Variants in RASGRP3 observed in about 807,000 individuals in gnomAD.
RASGRP3 encodes RAS guanyl releasing protein 3.
RASGRP3 carries 54 observed loss-of-function variants against 82.7 expected under a neutral mutation model. The ratio of observed to expected loss-of-function variants is 0.65; its 90% CI spans 0.52 to 0.82. The LOEUF (loss-of-function observed/expected upper bound fraction) is 0.82. RASGRP3 is among the 40% of genes least tolerant of loss of function. The probability of loss-of-function intolerance (pLI) is 0.00; values close to 1 mark genes in which losing one functional copy is unlikely to be tolerated. For synonymous variants in RASGRP3, 309 were observed against 300.5 expected, an observed-to-expected ratio of 1.03 and a Z score of -0.29; for missense variants, 861 against 828.9, an observed-to-expected ratio of 1.04 and a Z score of -0.48.
intron 10 of RASGRP3, among the ~76,000 whole-genome samples, chr2:33,529,872 G>C (rs1264570960): frequency 1.3e-5 from 2 of 152,136 alleles, no homozygotes; most frequent in African/African-American, 4.8e-5. Flanking sequence ...GAGTCAACTT[G>C]ATTCTGTAGT....
In RASGRP3 at chr2:33,558,989, C is replaced by A. The variant is rs1434481347; in HGVS notation, c.2023C>A (p.Leu675Ile). The A allele has an allele frequency of 1.9e-6, 3 of 1,613,496 alleles. No individual in the cohort carries two copies. The African/African-American group carries it at 4.0e-5, about 22-fold the overall frequency. The change falls in exon 17 of 18, where the codon CTT (leucine) becomes ATT (isoleucine). Residue 675 changes from leucine (L) to isoleucine (I), a missense_variant. Leu to Ile is a conservative substitution (Grantham distance 5). Transcript: ENST00000403687. Reference sequence around the variant, plus strand: ...TGTAGACCGGGGCACGGAGTTTGAACTTGACCAGGATGAAGGAGAAGAGAC... The same window carrying A: ...TGTAGACCGGGGCACGGAGTTTGAAATTGACCAGGATGAAGGAGAAGAGAC... ...DVVDRGTEFE[L>I]DQDEGEETRQ...
intron 1 of RASGRP3, among the ~76,000 whole-genome samples, chr2:33,502,219 A>C (rs893200031): frequency 5.3e-5 from 8 of 152,102 alleles, no homozygotes; most frequent in African/African-American, 1.9e-4. Flanking sequence ...GAGAAGTGGT[A>C]AGACGCATGA....
At chr2:33,544,828 TCTAA>T (rs1242467373) in intron 13 of RASGRP3, among the ~76,000 whole-genome samples, 2 of 151,972 alleles carry the variant, frequency 1.3e-5, no homozygotes, top group African/African-American at 4.8e-5. Context: ...GAACCTTGTC[TCTAA>T]CTATTTTTTT....
chr2:33,440,159 C>T (rs1334348202), intron 1 of RASGRP3, among the ~76,000 whole-genome samples: 1 of 152,036 alleles, frequency 6.6e-6, no homozygotes, highest in African/African-American at 2.4e-5. Flanking sequence ...ATGGAATAGT[C>T]AGATAGAAAT....
At position 33,564,625 on chromosome 2, in the gene RASGRP3, T is replaced by G. The variant is rs1004190820; in HGVS notation, c.*1888T>G. 1 of 152,228 alleles carries G rather than the reference T, an allele frequency of 6.6e-6. No homozygotes were observed. The highest frequency in any genetic ancestry group is 6.5e-5 in the Admixed American group (1 of 15,282). The allele number at this position is 152,228 out of a possible 1,614,324, so 9.4% of individuals were successfully genotyped here. A position where few individuals can be genotyped will look rare whatever the true frequency, so the allele number is the denominator to read the frequency against. On this transcript the variant is annotated 3_prime_UTR_variant, in exon 18 of 18. Transcript: ENST00000403687. ...CAAAGGAATTATTCACTTGCCACTTTGGTTATTTTTGAGTTTTCGTACATA... is the reference window on the plus strand; with the variant it reads ...CAAAGGAATTATTCACTTGCCACTTGGGTTATTTTTGAGTTTTCGTACATA...
At chr2:33,524,181 A>C in intron 8 of RASGRP3, 129 bp downstream of exon 8, 1 of 1,136,672 alleles carries the variant, frequency 8.8e-7, no homozygotes, top group Non-Finnish European at 1.3e-6. Flanking sequence ...GCTGATATCT[A>C]ATGAACAAAT....
chr2:33,468,383 C>A (rs1224611813), intron 2 of RASGRP3, among the ~76,000 whole-genome samples: 2 of 152,018 alleles, frequency 1.3e-5, no homozygotes. Context: ...GAATATTTTT[C>A]CATGTTACTA....
intron 2 of RASGRP3, among the ~76,000 whole-genome samples, chr2:33,513,274 C>A (rs926123811): frequency 3.9e-5 from 6 of 152,164 alleles, no homozygotes; most frequent in African/African-American, 1.4e-4. Flanking sequence ...ATTTTTTCCC[C>A]AGAGTTATGT....
chr2:33,458,459 A>G (rs1202321974), intron 2 of RASGRP3, among the ~76,000 whole-genome samples: 2 of 152,244 alleles, frequency 1.3e-5, no homozygotes, highest in African/African-American at 2.4e-5. Context: ...TATTAAAAAT[A>G]TAGACAGATA....
chr2:33,474,329 G>T (rs780975825), upstream of RASGRP3, among the ~76,000 whole-genome samples: 4 of 152,050 alleles, frequency 2.6e-5, no homozygotes, highest in Admixed American at 6.6e-5. Context: ...TAGTGAGTGA[G>T]TTCTTTTATT....
chr2:33,562,587 A>C, intron 17 of RASGRP3, 142 bp from the exon 18 acceptor site: 9 of 913,410 alleles, frequency 9.9e-6, no homozygotes, highest in Non-Finnish European at 1.5e-5. Context: ...ATGATCTCCT[A>C]ATTCCCACTA....
At chr2:33,546,893 C>G (rs541121834) in intron 13 of RASGRP3, among the ~76,000 whole-genome samples, 1 of 151,786 alleles carries the variant, frequency 6.6e-6, no homozygotes, top group Non-Finnish European at 1.5e-5. Context: ...ATGGAGAAAC[C>G]CCATCTCTAC....
At chr2:33,480,887 C>T (rs1362367407) in intron 1 of RASGRP3, among the ~76,000 whole-genome samples, 2 of 152,134 alleles carry the variant, frequency 1.3e-5, no homozygotes, top group Non-Finnish European at 2.9e-5. Context: ...TGTGCAGAGT[C>T]GCTGTGCTTT....
intron 9 of RASGRP3, 118 bp downstream of exon 9, chr2:33,524,666 T>C (rs751158874): frequency 1.6e-5 from 12 of 740,240 alleles, no homozygotes; most frequent in Non-Finnish European, 2.6e-5. Context: ...AAACCAGTGG[T>C]AGGTTATAAA....
intron 2 of RASGRP3, among the ~76,000 whole-genome samples, chr2:33,471,626 A>G (rs570856437): frequency 1.3e-5 from 2 of 152,072 alleles, no homozygotes; most frequent in Admixed American, 1.3e-4. Flanking sequence ...CACTTCATAT[A>G]CCATGGGAGT....
chr2:33,465,103 C>G (rs1666615715), intron 2 of RASGRP3, among the ~76,000 whole-genome samples: 1 of 152,104 alleles, frequency 6.6e-6, no homozygotes. Context: ...TGCCAAACAG[C>G]CAAATTGTGA....
chr2:33,514,140 G>T (rs1671202243), intron 2 of RASGRP3: 3 of 152,110 alleles, frequency 2.0e-5, no homozygotes, highest in Non-Finnish European at 2.9e-5. Flanking sequence ...ATTCGGAATG[G>T]TGCATAGTAC....
chr2:33,516,269 G>A (rs1053784832), intron 3 of RASGRP3, among the ~76,000 whole-genome samples: 13 of 152,240 alleles, frequency 8.5e-5, no homozygotes, highest in South Asian at 4.2e-4. Context: ...TTTGCCAGGC[G>A]TGGTGGCAGG....
intron 1 of RASGRP3, among the ~76,000 whole-genome samples, chr2:33,486,876 G>A (rs1265794332): frequency 6.6e-6 from 1 of 152,192 alleles, no homozygotes; most frequent in East Asian, 1.9e-4. Context: ...CAAAGATAAG[G>A]TGGTTCTGGG....
Sources: allele counts gnomAD v4.1 joint callset (sites outside exome capture counted in the v4.1 genomes callset), GRCh38; gene constraint gnomAD v4.1.1; transcripts MANE v1.5; gene names NCBI Gene and HGNC (gene_info 2026-07-23, HGNC 2026-07-21).